PATE3: variants seen among roughly 807,000 people sequenced by gnomAD.
The protein encoded by PATE3 is prostate and testis expressed 3.
PATE3 carries 7 observed loss-of-function variants against 7.4 expected under a neutral mutation model. The ratio of observed to expected loss-of-function variants is 0.95; its 90% CI spans 0.54 to 1.78. The LOEUF is 1.78. Ranked by LOEUF, PATE3 falls within the 40% of genes most tolerant of loss-of-function variation. The pLI, the probability that PATE3 is intolerant of heterozygous loss-of-function variation, is 0.00. For missense variants in PATE3, 117 were observed against 122.5 expected, an observed-to-expected ratio of 0.96 and a Z score of 0.21; for synonymous variants, 38 against 40.2, an observed-to-expected ratio of 0.94 and a Z score of 0.21.
In PATE3 at chr11:125,788,226, C is replaced by T. The variant is rs1943580868; in HGVS notation, c.49+26C>T. The T allele has an allele frequency of 1.2e-5, 19 of 1,543,382 alleles. No individual in the cohort carries two copies. In the East Asian group the frequency reaches 3.7e-4, roughly 30 times the overall value. On this transcript the variant is annotated intron_variant, in intron 1 of 2. Coordinates refer to ENST00000445202, the MANE Select transcript of PATE3 (RefSeq NM_001129883.4). ...GTGAGTCCTGGACCTGAGGGGTATACTTGAGAGACAGGATCTAGGGAGCTC... is the reference window on the plus strand; with the variant it reads ...GTGAGTCCTGGACCTGAGGGGTATATTTGAGAGACAGGATCTAGGGAGCTC...
intron 1 of PATE3, 114 bp downstream of exon 1, chr11:125,788,314 C>A: frequency 1.1e-6 from 1 of 888,752 alleles, no homozygotes; most frequent in Non-Finnish European, 1.7e-6. Context: ...TTTTATGAGC[C>A]AGGGGAAGCC....
Position 125,790,795 on chromosome 11 carries a change from G to C in PATE3, c.*193G>C. 1 of 506,742 alleles carries C rather than the reference G, an allele frequency of 2.0e-6. No homozygotes were observed. Among genetic ancestry groups the C allele is most frequent in the East Asian group, 3.3e-5 (1 of 30,158 alleles). The allele number at this position is 506,742 out of a possible 1,614,324, so 31.4% of individuals were successfully genotyped here. A position where few individuals can be genotyped will look rare whatever the true frequency, so the allele number is the denominator to read the frequency against. ...GCTTCTCCCTCAGTCAGAGAATAGT[G>C]GTTCTGAACAATGGATTTCTTCTAT... On this transcript the variant is annotated 3_prime_UTR_variant, in exon 3 of 3. Transcript: ENST00000445202.
intron 1 of PATE3, 79 bp from the exon 2 acceptor site, chr11:125,789,307 A>C: frequency 2.8e-6 from 4 of 1,406,168 alleles, no homozygotes; most frequent in Non-Finnish European, 3.9e-6. Context: ...TTCATTCCCC[A>C]CCTCCATCTG....
At chr11:125,789,297 T>C (rs975179467) in intron 1 of PATE3, 89 bp from the exon 2 acceptor site, 1 of 1,373,886 alleles carries the variant, frequency 7.3e-7, no homozygotes, top group South Asian at 1.4e-5. Flanking sequence ...CCCTCCACTA[T>C]TCATTCCCCA....
chr11:125,789,238 A>T, intron 1 of PATE3, 148 bp from the exon 2 acceptor site: 1 of 718,978 alleles, frequency 1.4e-6, no homozygotes, highest in Non-Finnish European at 2.2e-6. Context: ...AAGAGCTCCA[A>T]CTGTTTACCG....
In PATE3 at chr11:125,790,685, C is replaced by G; in HGVS notation, c.*83C>G. On this transcript the variant is annotated 3_prime_UTR_variant, in exon 3 of 3. Coordinates refer to ENST00000445202, the MANE Select transcript of PATE3 (RefSeq NM_001129883.4). The stretch of plus-strand genomic sequence containing the variant: ...CACTCTGCTGGCCCTTGCTTCCCTT[C>G]CGTGTCTGTCCTGACAATACCCCTG... The G allele has an allele frequency of 7.2e-7, 1 of 1,387,082 alleles. No individual in the cohort carries two copies. Among genetic ancestry groups the G allele is most frequent in the Non-Finnish European group, 9.8e-7 (1 of 1,021,890 alleles). The allele number at this position is 1,387,082 out of a possible 1,614,324, so 85.9% of individuals were successfully genotyped here.
intron 1 of PATE3, 91 bp downstream of exon 1, chr11:125,788,291 G>A (rs1330925880): frequency 8.1e-7 from 1 of 1,241,006 alleles, no homozygotes; most frequent in Non-Finnish European, 1.1e-6. Flanking sequence ...ATGCAGGGCT[G>A]AGCTTTGGCC....
Position 125,790,661 on chromosome 11 carries a change from A to C in PATE3, c.*59A>C. 6.0e-6 allele frequency: 9 copies of C among 1,507,052 alleles called. No individual in the cohort carries two copies. The highest frequency in any genetic ancestry group is 8.1e-6 in the Non-Finnish European group (9 of 1,117,880). 93.4% of individuals were successfully genotyped at this position (1,507,052 alleles called of 1,614,324 possible). On this transcript the variant is annotated 3_prime_UTR_variant, in exon 3 of 3. Coordinates refer to ENST00000445202, the MANE Select transcript of PATE3 (RefSeq NM_001129883.4). ...GTCCCCAATGTTGCTCATCCTTCAC[A>C]CTCTGCTGGCCCTTGCTTCCCTTCC...
At chr11:125,788,235 C>G (rs770658564) in intron 1 of PATE3, 35 bp downstream of exon 1, 39 of 1,536,274 alleles carry the variant, frequency 2.5e-5, no homozygotes, top group Non-Finnish European at 3.4e-5. Context: ...ACTTGAGAGA[C>G]AGGATCTAGG....
At chr11:125,790,026 T>C (rs1943595847) in intron 2 of PATE3, among the ~76,000 whole-genome samples, 1 of 152,102 alleles carries the variant, frequency 6.6e-6, no homozygotes, top group Non-Finnish European at 1.5e-5. Context: ...TTAAATGAAA[T>C]AAGCCAGGCC....
At chr11:125,789,340 G>C in intron 1 of PATE3, 46 bp from the exon 2 acceptor site, 2 of 1,520,210 alleles carry the variant, frequency 1.3e-6, no homozygotes, top group Non-Finnish European at 1.8e-6. Context: ...TCCATCCCAA[G>C]TCCCTGCTTT....
At position 125,790,183 on chromosome 11, in the gene PATE3, A is replaced by C. The variant is rs75251685; in HGVS notation, c.173-295A>C. Among the ~76,000 whole-genome samples the C allele has an allele frequency of 1.1e-3, 162 of 152,298 alleles. 1 individual carries two copies. Among genetic ancestry groups the C allele is most frequent in the African/African-American group, 3.2e-3 (132 of 41,576 alleles). Reference sequence around the variant, plus strand: ...ATGAAGACAGTCTGGTTAATGACTAAACAGATTTTGACTTTGAAGACACTA... The same window carrying C: ...ATGAAGACAGTCTGGTTAATGACTACACAGATTTTGACTTTGAAGACACTA... On this transcript the variant is annotated intron_variant, in intron 2 of 2. Transcript: ENST00000445202.
intron 1 of PATE3, among the ~76,000 whole-genome samples, chr11:125,788,453 T>G (rs1308733499): frequency 6.6e-6 from 1 of 152,164 alleles, no homozygotes. Flanking sequence ...GTCCCTACCA[T>G]TCCCCATAAT....
rs1943590865 is a variant in PATE3 at position 125,789,378 on chromosome 11, C to G, written c.50-8C>G. ...CCTAGTCTCACACCATCTCTATGCT[C>G]TCTCCAGCAGTGACATCACTTCAGT... On this transcript the variant is annotated splice_region_variant and splice_polypyrimidine_tract_variant and intron_variant, in intron 1 of 2. Transcript: ENST00000445202. 1.3e-6 allele frequency: 2 copies of G among 1,550,214 alleles called. No homozygotes were observed. Among genetic ancestry groups the G allele is most frequent in the South Asian group, 2.4e-5 (2 of 83,916 alleles).
chr11:125,790,479 C>T lies in PATE3; in HGVS notation c.174C>T (p.Arg58=), dbSNP rs1221989635. ...TTCTGTGGTTCTTTCCTATTTTAGGCAATACTCTCCAGATATCATACATGG... is the reference window on the plus strand; with the variant it reads ...TTCTGTGGTTCTTTCCTATTTTAGGTAATACTCTCCAGATATCATACATGG... ...EACMLLRIYQ[R]NTLQISYMVC... Residue 58 remains arginine, a splice_region_variant and synonymous_variant, in exon 3 of 3, where the codon CGC becomes CGT. Transcript: ENST00000445202. 1.3e-6 allele frequency: 2 copies of T among 1,549,178 alleles called. No individual in the cohort carries two copies. The highest frequency in any genetic ancestry group is 2.0e-5 in the Admixed American group (1 of 50,794).
chr11:125,790,558 G>C lies in PATE3; in HGVS notation c.253G>C (p.Val85Leu). The C allele has an allele frequency of 1.3e-6, 2 of 1,551,376 alleles. No individual in the cohort carries two copies. Among genetic ancestry groups the C allele is most frequent in the Non-Finnish European group, 1.7e-6 (2 of 1,146,792 alleles). Reference protein sequence around the residue: ...MTFDLRNRTYVHTCCNYNYCN... With the variant: ...MTFDLRNRTYLHTCCNYNYCN... Reference sequence around the variant, plus strand: ...ATTTGATCTCAGGAATCGGACTTATGTTCATACATGCTGCAACTACAATTA... The same window carrying C: ...ATTTGATCTCAGGAATCGGACTTATCTTCATACATGCTGCAACTACAATTA... Residue 85 changes from valine to leucine, a missense_variant, in exon 3 of 3, where the codon GTT (valine) becomes CTT (leucine). Transcript: ENST00000445202.
chr11:125,790,354 A>G, intron 2 of PATE3, 124 bp from the exon 3 acceptor site: 6 of 954,016 alleles, frequency 6.3e-6, no homozygotes, highest in Non-Finnish European at 9.0e-6. Flanking sequence ...AGGGAGTATA[A>G]GCTGGGAAGC....
chr11:125,788,252 C>T (rs1943581069), intron 1 of PATE3, 52 bp downstream of exon 1: 3 of 1,495,264 alleles, frequency 2.0e-6, no homozygotes, highest in Middle Eastern at 1.7e-4. Context: ...TAGGGAGCTC[C>T]AGGGAAACTA....
intron 1 of PATE3, among the ~76,000 whole-genome samples, chr11:125,788,684 T>G (rs556484716): frequency 4.6e-5 from 7 of 152,292 alleles, no homozygotes; most frequent in African/African-American, 1.7e-4. Context: ...TTTTCATGGT[T>G]TGTAGTCACG....
Sources: allele counts gnomAD v4.1 joint callset (sites outside exome capture counted in the v4.1 genomes callset), GRCh38; gene constraint gnomAD v4.1.1; transcripts MANE v1.5; gene names NCBI Gene and HGNC (gene_info 2026-07-23, HGNC 2026-07-21).